The following SUGCT variants were observed in gnomAD, a reference collection of about 807,000 sequenced individuals.
SUGCT encodes the protein succinyl-CoA:glutarate CoA-transferase.
A neutral mutation model predicts 55.0 loss-of-function variants in SUGCT; 41 were observed. That is an observed-to-expected ratio of 0.74 (90% CI 0.58 to 0.97). The LOEUF (loss-of-function observed/expected upper bound fraction) is 0.97. Ranked by LOEUF, SUGCT falls within the 50% of genes least tolerant of loss-of-function variation. The pLI is 0.00. For missense variants in SUGCT, 568 were observed against 547.8 expected, an observed-to-expected ratio of 1.04 and a Z score of -0.37; for synonymous variants, 187 against 200.4, an observed-to-expected ratio of 0.93 and a Z score of 0.56.
chr7:40,381,329 A>G (rs1196435775), intron 9 of SUGCT, among the ~76,000 whole-genome samples: 1 of 152,088 alleles, frequency 6.6e-6, no homozygotes, highest in Non-Finnish European at 1.5e-5. Flanking sequence ...TTTTTAGCTC[A>G]CTTTTACAGG....
Position 40,459,122 on chromosome 7 carries a change from A to C in SUGCT, c.910A>C (p.Ile304Leu). 1.2e-6 allele frequency: 2 copies of C among 1,611,018 alleles called. No individual in the cohort carries two copies. The highest frequency in any genetic ancestry group is 1.7e-6 in the Non-Finnish European group (2 of 1,178,058). Residue 304 changes from isoleucine (I) to leucine (L), a missense_variant, in exon 11 of 14, where the codon ATT becomes CTT. Coordinates refer to ENST00000335693, the MANE Select transcript of SUGCT (RefSeq NM_001193313.2). ...TTAGATCTTGGATTTGCCTGAGTTG[A>C]TTGATAATTCCAAGTATAAAACTAA... is the stretch of plus-strand genomic sequence containing the variant. ...VCKILDLPELIDNSKYKTNHL... is the reference protein window; with the variant it reads ...VCKILDLPELLDNSKYKTNHL...
At chr7:40,916,659 T>C in the SUGCT span, among the ~76,000 whole-genome samples, 2 of 152,222 alleles carry the variant, frequency 1.3e-5, no homozygotes, top group Non-Finnish European at 1.5e-5. Flanking sequence ...CTATCTGGTG[T>C]TTGATTTTTC....
At chr7:40,403,614 C>G (rs1259240566) in intron 9 of SUGCT, among the ~76,000 whole-genome samples, 1 of 152,174 alleles carries the variant, frequency 6.6e-6, no homozygotes, top group Non-Finnish European at 1.5e-5. Context: ...GGAGAATGTT[C>G]ACATAACCCA....
chr7:40,321,358 T>G (rs940278993), intron 9 of SUGCT, among the ~76,000 whole-genome samples: 4 of 149,644 alleles, frequency 2.7e-5, no homozygotes, highest in African/African-American at 9.9e-5. Flanking sequence ...ATTATGGCCA[T>G]GAGCCACCGT....
At chr7:40,597,211 A>G (rs1798057709) in intron 12 of SUGCT, among the ~76,000 whole-genome samples, 1 of 152,198 alleles carries the variant, frequency 6.6e-6, no homozygotes, top group South Asian at 2.1e-4. Context: ...CAGATTGTTA[A>G]TAGGTAGGTT....
intron 12 of SUGCT, among the ~76,000 whole-genome samples, chr7:40,528,769 C>T (rs73308257): frequency 0.089 from 13,506 of 152,080 alleles, 643 homozygotes; most frequent in Middle Eastern, 0.11. Context: ...CTACTTGTTC[C>T]TTGATTCCCC....
intron 9 of SUGCT, among the ~76,000 whole-genome samples, chr7:40,359,235 G>A (rs751228812): frequency 2.6e-5 from 4 of 152,094 alleles, no homozygotes; most frequent in Non-Finnish European, 1.5e-5. Flanking sequence ...ACAGAGTTTT[G>A]CTCTTGTTGC....
intron 9 of SUGCT, among the ~76,000 whole-genome samples, chr7:40,421,024 T>C (rs1426470244): frequency 6.6e-6 from 1 of 152,162 alleles, no homozygotes. Context: ...TGTATTTTTA[T>C]CCAATCCACT....
intron 13 of SUGCT, among the ~76,000 whole-genome samples, chr7:40,762,542 A>G (rs938175543): frequency 6.6e-6 from 1 of 152,198 alleles, no homozygotes; most frequent in African/African-American, 2.4e-5. Flanking sequence ...AGTAGGGGTG[A>G]TTTGGCTGCC....
chr7:40,808,380 C>T (rs1791222456), intron 13 of SUGCT: 1 of 152,302 alleles, frequency 6.6e-6, no homozygotes, highest in Non-Finnish European at 1.5e-5. Context: ...TTTGCAAGAA[C>T]TGTATTCAGC....
intron 12 of SUGCT, among the ~76,000 whole-genome samples, chr7:40,640,009 G>A (rs1800198723): frequency 6.6e-6 from 1 of 152,128 alleles, no homozygotes; most frequent in South Asian, 2.1e-4. Flanking sequence ...CAGCATCATG[G>A]TGTTTGAATA....
At chr7:40,251,731 G>T (rs2150934201) in intron 7 of SUGCT, among the ~76,000 whole-genome samples, 1 of 152,060 alleles carries the variant, frequency 6.6e-6, no homozygotes, top group East Asian at 1.9e-4. Context: ...TCCCCCCTTA[G>T]AGATTTTTGG....
At chr7:40,430,065 T>A (rs1787814050) in intron 9 of SUGCT, among the ~76,000 whole-genome samples, 2 of 152,316 alleles carry the variant, frequency 1.3e-5, no homozygotes, top group South Asian at 4.1e-4. Flanking sequence ...CATTTCTTTA[T>A]TTATCGATGA....
At chr7:40,387,525 AG>A (rs1785185962) in intron 9 of SUGCT, among the ~76,000 whole-genome samples, 1 of 152,180 alleles carries the variant, frequency 6.6e-6, no homozygotes, top group African/African-American at 2.4e-5. Flanking sequence ...ATAGGAAAGA[AG>A]TTAGATTGTT....
At chr7:40,216,785 G>C (rs1023961812) in intron 6 of SUGCT, among the ~76,000 whole-genome samples, 3 of 151,970 alleles carry the variant, frequency 2.0e-5, no homozygotes, top group Non-Finnish European at 4.4e-5. Flanking sequence ...GAACCTGGGA[G>C]GGGGAGGTTG....
At chr7:40,917,759 G>A in the SUGCT span, among the ~76,000 whole-genome samples, 4 of 152,214 alleles carry the variant, frequency 2.6e-5, no homozygotes, top group East Asian at 3.9e-4. Context: ...TTTGCAGATG[G>A]CCACCTTCTT....
chr7:40,876,620 T>G, the SUGCT span, among the ~76,000 whole-genome samples: 1 of 152,228 alleles, frequency 6.6e-6, no homozygotes, highest in African/African-American at 2.4e-5. Context: ...TTCATTTGTC[T>G]TCTTTCCTTC....
At position 40,513,844 on chromosome 7, in the gene SUGCT, C is replaced by T. The variant is rs914578297; in HGVS notation, c.1089+17458C>T. On this transcript the variant is annotated intron_variant, in intron 12 of 13. Transcript: ENST00000335693. ...TTGGTCTGTCACCTGGGCTGGAGTG[C>T]GGTGGCGCGATCTCGGCTCACTGCA... Among the ~76,000 whole-genome samples, 9 of 129,554 alleles carry T rather than the reference C, an allele frequency of 6.9e-5. No individual in the cohort carries two copies. The East Asian group carries it at 1.3e-3, about 19-fold the overall frequency. The allele number at this position is 129,554 out of a possible 152,430, so 85.0% of individuals were successfully genotyped here. A position where few individuals can be genotyped will look rare whatever the true frequency, so the allele number is the denominator to read the frequency against.
chr7:40,520,900 C>A (rs75948405), intron 12 of SUGCT, among the ~76,000 whole-genome samples: 4,109 of 152,182 alleles, frequency 0.027, 186 homozygotes, highest in African/African-American at 0.095. Flanking sequence ...TGTATTTATC[C>A]TTCAGATTGT....
Sources: gnomAD v4.1 joint callset for allele counts (sites outside exome capture counted in the v4.1 genomes callset) on GRCh38, gnomAD v4.1.1 for gene constraint, MANE v1.5 for transcripts, NCBI Gene and HGNC (gene_info 2026-07-23, HGNC 2026-07-21) for gene names.